GRIK5: variants seen among roughly 807,000 people sequenced by gnomAD.
The protein encoded by GRIK5 is glutamate ionotropic receptor kainate type subunit 5.
GRIK5 carries 43 observed loss-of-function variants against 97.4 expected under a neutral mutation model. The observed-to-expected ratio is 0.44, with a 90% CI of 0.35 to 0.57. GRIK5 has a LOEUF of 0.57. Ranked by LOEUF, GRIK5 falls within the 20% of genes least tolerant of loss-of-function variation. GRIK5 has a pLI of 0.01. For synonymous variants in GRIK5, 580 were observed against 583.5 expected (o/e 0.99, Z 0.09); for missense variants, 1,015 against 1,382.0 (o/e 0.73, Z 4.21).
chr19:42,062,944 G>A lies in GRIK5; in HGVS notation c.245-89C>T. On this transcript the variant is annotated intron_variant, in intron 3 of 19. Coordinates refer to ENST00000593562, the MANE Select transcript of GRIK5 (RefSeq NM_002088.5). The surrounding 1 kb of genome is among the most constrained non-coding windows in gnomAD (Gnocchi z 5.3). ...CTCAGGGAGCCGCCATGGCCCAGGAGAGGATCAGACACTGGCAACTGCCTG... is the reference window on the plus strand; with the variant it reads ...CTCAGGGAGCCGCCATGGCCCAGGAAAGGATCAGACACTGGCAACTGCCTG... 1 of 982,396 alleles carries A rather than the reference G, an allele frequency of 1.0e-6. No homozygotes were observed. 60.9% of individuals were successfully genotyped at this position (982,396 alleles called of 1,614,324 possible). A position where few individuals can be genotyped will look rare whatever the true frequency, so the allele number is the denominator to read the frequency against.
chr19:42,048,315 A>G (rs1437577144), intron 11 of GRIK5, among the ~76,000 whole-genome samples: 1 of 152,242 alleles, frequency 6.6e-6, no homozygotes, highest in Non-Finnish European at 1.5e-5. Context: ...CTTGTACCCA[A>G]GAATGTATAA....
chr19:42,000,508 T>C (rs1185060608), intron 19 of GRIK5, among the ~76,000 whole-genome samples: 2 of 152,170 alleles, frequency 1.3e-5, no homozygotes, highest in African/African-American at 4.8e-5. Context: ...GCCTCACAGG[T>C]GGGCAGAAGC....
At chr19:42,033,575 T>C (rs1167296565) in intron 12 of GRIK5, among the ~76,000 whole-genome samples, 1 of 152,072 alleles carries the variant, frequency 6.6e-6, no homozygotes, top group African/African-American at 2.4e-5. Context: ...TGGGAGGTTA[T>C]GAAAACGTTT....
Position 42,013,134 on chromosome 19 carries a change from G to A in GRIK5, c.1872-6324C>T, listed in dbSNP as rs961133964. On this transcript the variant is annotated intron_variant, in intron 15 of 19. Coordinates refer to ENST00000593562, the MANE Select transcript of GRIK5 (RefSeq NM_002088.5). ...TTTGGGAGGCTGAGGCAGGAAGATCGCTTGAGGCCAGGAGTTCAAGACCAG... is the reference window on the plus strand; with the variant it reads ...TTTGGGAGGCTGAGGCAGGAAGATCACTTGAGGCCAGGAGTTCAAGACCAG... Among the ~76,000 whole-genome samples, 6 of 150,934 alleles carry A rather than the reference G, an allele frequency of 4.0e-5. No homozygotes were observed. The South Asian group carries it at 8.4e-4, about 21-fold the overall frequency.
At chr19:42,011,883 A>G (rs1416324510) in intron 15 of GRIK5, among the ~76,000 whole-genome samples, 1 of 152,066 alleles carries the variant, frequency 6.6e-6, no homozygotes. Flanking sequence ...CTGAGGCAGG[A>G]GGATGGCTTG....
At chr19:42,033,317 CAAAAAAA>C (rs1006793815) in intron 12 of GRIK5, among the ~76,000 whole-genome samples, 6 of 42,202 alleles carry the variant, frequency 1.4e-4, no homozygotes, top group Non-Finnish European at 2.1e-4. Flanking sequence ...GACTCCGTCT[CAAAAAAA>C]AAAAAAAAAA....
chr19:42,042,547 C>T lies in GRIK5; in HGVS notation c.1473+5G>A. The T allele has an allele frequency of 1.2e-6, 2 of 1,607,138 alleles. No homozygotes were observed. Among genetic ancestry groups the T allele is most frequent in the African/African-American group, 1.3e-5 (1 of 75,018 alleles). ...GCATCTTTCCCGGCCCCAGTCCAGC[C>T]ATACCCGGTTGATGAGCTCGCCAAC... On this transcript the variant is annotated splice_donor_5th_base_variant and intron_variant, in intron 12 of 19. Transcript: ENST00000593562. This position sits in a 1 kb window ranked among gnomAD's most constrained non-coding sequence, Gnocchi z 6.9.
rs376848307 is a variant in GRIK5, at chr19:42,050,806, T to C, written c.1269+2796A>G. ...GTTTCTTCATCCGAAAATCAGGGCT[T>C]CTGTGAAGATTGTGTCACATGAGCA... On this transcript the variant is annotated intron_variant, in intron 11 of 19. Transcript: ENST00000593562. Among the ~76,000 whole-genome samples, 5 of 152,138 alleles carry C rather than the reference T, an allele frequency of 3.3e-5. No individual in the cohort carries two copies. The South Asian group carries it at 1.0e-3, about 32-fold the overall frequency.
chr19:42,054,127 T>C (rs1466267112), intron 9 of GRIK5, among the ~76,000 whole-genome samples, 193 bp downstream of exon 9: 2 of 151,714 alleles, frequency 1.3e-5, no homozygotes, highest in Middle Eastern at 3.4e-3. Context: ...ACAAAAGGCA[T>C]GAAGAGGGCA....
chr19:42,018,583 C>T (rs938351322), intron 15 of GRIK5, among the ~76,000 whole-genome samples: 3 of 141,510 alleles, frequency 2.1e-5, no homozygotes, highest in Admixed American at 7.8e-5. Context: ...CACTTGATCC[C>T]GGGAGGTGGA....
Position 42,021,271 on chromosome 19 carries a change from C to T in GRIK5, c.1871+30G>A. 7 of 1,595,492 alleles carry T rather than the reference C, an allele frequency of 4.4e-6. No homozygotes were observed. Among genetic ancestry groups the T allele is most frequent in the Admixed American group, 1.7e-5 (1 of 58,624 alleles). On this transcript the variant is annotated intron_variant, in intron 15 of 19. Transcript: ENST00000593562. This position sits in a 1 kb window ranked among gnomAD's most constrained non-coding sequence, Gnocchi z 4.2. ...GCCTCAGATGGGTCCCTCCCTCGCC[C>T]CGGGCAGAGGCAGATAGAAAGCTTC...
Position 42,021,856 on chromosome 19 carries a change from A to T in GRIK5, c.1697+91T>A. 1.3e-6 allele frequency: 1 copy of T among 784,666 alleles called. No individual in the cohort carries two copies. Among genetic ancestry groups the T allele is most frequent in the Non-Finnish European group, 2.1e-6 (1 of 467,752 alleles). The allele number at this position is 784,666 out of a possible 1,614,324, so 48.6% of individuals were successfully genotyped here. A position where few individuals can be genotyped will look rare whatever the true frequency, so the allele number is the denominator to read the frequency against. ...CGAGGCCCCAAAGGGGAGGCCAAGG[A>T]CAGTTCCGAGAGAGAAGAGGCAGGT... On this transcript the variant is annotated intron_variant, in intron 14 of 19. Coordinates refer to ENST00000593562, the MANE Select transcript of GRIK5 (RefSeq NM_002088.5). The surrounding 1 kb of genome is among the most constrained non-coding windows in gnomAD (Gnocchi z 4.2).
At chr19:42,011,059 G>A (rs1003819565) in intron 15 of GRIK5, among the ~76,000 whole-genome samples, 7 of 151,298 alleles carry the variant, frequency 4.6e-5, no homozygotes, top group East Asian at 3.9e-4. Flanking sequence ...CTCCAGCCTC[G>A]GCCTCCCAAA....
chr19:42,019,929 G>A (rs1243664437), intron 15 of GRIK5, among the ~76,000 whole-genome samples: 4 of 151,666 alleles, frequency 2.6e-5, no homozygotes, highest in Admixed American at 6.6e-5. Flanking sequence ...CAAATTTGTG[G>A]TAACTTTTTG....
At chr19:42,007,675 T>G (rs1555873027) in intron 15 of GRIK5, among the ~76,000 whole-genome samples, 1 of 152,106 alleles carries the variant, frequency 6.6e-6, no homozygotes, top group East Asian at 1.9e-4. Context: ...TGGCTGAATA[T>G]CAATCTGTGC....
At chr19:42,029,057 C>A (rs866639326) in intron 12 of GRIK5, among the ~76,000 whole-genome samples, 3 of 152,066 alleles carry the variant, frequency 2.0e-5, no homozygotes, top group African/African-American at 7.2e-5. Context: ...ACAGTGAGAC[C>A]CCATCTCTAC....
chr19:42,068,895 A>G, intron 1 of GRIK5: 1 of 686,352 alleles, frequency 1.5e-6, no homozygotes, highest in Non-Finnish European at 2.7e-6. Context: ...AGGAACAGAA[A>G]GAGCCAGTCT....
chr19:42,013,285 G>C (rs947912271), intron 15 of GRIK5, among the ~76,000 whole-genome samples: 3 of 151,984 alleles, frequency 2.0e-5, no homozygotes, highest in Non-Finnish European at 4.4e-5. Context: ...CCAGGAGTTT[G>C]AGGCTGTAGG....
Position 42,053,621 on chromosome 19 carries a change from A to G in GRIK5, c.1250T>C (p.Leu417Pro), listed in dbSNP as rs1599833229. 1.2e-6 allele frequency: 2 copies of G among 1,609,964 alleles called. No homozygotes were observed. The highest frequency in any genetic ancestry group is 1.7e-6 in the Non-Finnish European group (2 of 1,176,260). Residue 417 changes from leucine to proline, a missense_variant, in exon 11 of 20, where the codon CTG (leucine) becomes CCG (proline). Around this residue, in one of 5 missense-constraint regions of GRIK5, gnomAD observed 477 missense variants for 701.1 expected, o/e 0.68. Transcript: ENST00000593562. ...ACTCACCAGGATGGTTGTGACCACC[A>G]GGGTCTTGTTGGCCAGTGTCTGCGA... is the stretch of plus-strand genomic sequence containing the variant. ...NLSQTLANKT[L>P]VVTTILENPY...
Sources: gnomAD v4.1 joint callset for allele counts (sites outside exome capture counted in the v4.1 genomes callset) on GRCh38, gnomAD v4.1.1 for gene constraint, gnomAD v4.1.1 regional missense constraint, Gnocchi (gnomAD v3.1) non-coding constraint, MANE v1.5 for transcripts, NCBI Gene and HGNC (gene_info 2026-07-23, HGNC 2026-07-21) for gene names.